Variants in FAM81A observed in about 807,000 individuals in gnomAD.
FAM81A encodes family with sequence similarity 81 member A.
Under a neutral mutation model 46.7 loss-of-function variants are expected in FAM81A, and 19 were observed. That is an observed-to-expected ratio of 0.41 (90% CI 0.28 to 0.60). FAM81A has a LOEUF of 0.60. Among genes scored for constraint, FAM81A ranks in the 20% least tolerant of loss-of-function variants. FAM81A has a pLI of 0.34. For missense variants in FAM81A, 377 were observed against 453.5 expected (o/e 0.83, Z 1.53); for synonymous variants, 183 against 152.9 (o/e 1.20, Z -1.45).
chr15:59,409,158 G>C (rs1303741307), intron 2 of FAM81A: 1 of 152,154 alleles, frequency 6.6e-6, no homozygotes, highest in Admixed American at 6.5e-5. Flanking sequence ...CCCTCCTCCA[G>C]ACACCCACTT....
At chr15:59,520,587 C>T (rs575193631) in intron 8 of FAM81A, among the ~76,000 whole-genome samples, 79 of 134,014 alleles carry the variant, frequency 5.9e-4, no homozygotes, top group African/African-American at 2.1e-3. Context: ...TTTTTTGAGA[C>T]GAGTCTTGCT....
intron 1 of FAM81A, chr15:59,401,608 T>C (rs1176751046): frequency 1.1e-6 from 1 of 902,536 alleles, no homozygotes; most frequent in Non-Finnish European, 1.8e-6. Context: ...CTTTTAATAC[T>C]TCTGTTTCTC....
intron 2 of FAM81A, among the ~76,000 whole-genome samples, chr15:59,424,604 T>C (rs1380294649): frequency 6.6e-6 from 1 of 152,218 alleles, no homozygotes; most frequent in Non-Finnish European, 1.5e-5. Context: ...CTGAATCTGC[T>C]TTTCCCACAG....
intron 6 of FAM81A, among the ~76,000 whole-genome samples, chr15:59,511,773 C>T (rs1200026706): frequency 6.6e-6 from 1 of 152,152 alleles, no homozygotes; most frequent in Non-Finnish European, 1.5e-5. Context: ...GCCTCAGCCT[C>T]CCGAGTAGCT....
Position 59,518,432 on chromosome 15 carries a change from C to T in FAM81A, c.982+1592C>T, listed in dbSNP as rs187622547. ...TCCTGGGCTCAGGTGAGCCCCCTGC[C>T]TCGACCTCCTGAGCAGCTAGGACTA... On this transcript the variant is annotated intron_variant, in intron 8 of 8. Transcript: ENST00000288228. 5.8e-4 allele frequency among the ~76,000 whole-genome samples: 88 copies of T among 152,252 alleles called. No individual in the cohort carries two copies. The East Asian group carries it at 0.011, about 20-fold the overall frequency.
At chr15:59,423,965 C>G (rs1185970426) in intron 2 of FAM81A, among the ~76,000 whole-genome samples, 2 of 152,174 alleles carry the variant, frequency 1.3e-5, no homozygotes, top group Non-Finnish European at 2.9e-5. Context: ...TGGCTACCTT[C>G]CCATTTGTCT....
chr15:59,401,316 G>A (rs1169057966), intron 1 of FAM81A: 1 of 819,492 alleles, frequency 1.2e-6, no homozygotes. Context: ...TGCATCACAA[G>A]GCCCAATTTG....
At chr15:59,422,855 T>C (rs764750561) in intron 2 of FAM81A, among the ~76,000 whole-genome samples, 4 of 152,256 alleles carry the variant, frequency 2.6e-5, no homozygotes, top group African/African-American at 9.6e-5. Flanking sequence ...CCTTGAGTGG[T>C]TCATAAGAAA....
intron 4 of FAM81A, among the ~76,000 whole-genome samples, chr15:59,499,761 G>A (rs2082071664): frequency 6.6e-6 from 1 of 151,752 alleles, no homozygotes; most frequent in Non-Finnish European, 1.5e-5. Context: ...AATTATTTCT[G>A]ATGAAAAATT....
intron 6 of FAM81A, among the ~76,000 whole-genome samples, chr15:59,511,310 A>C (rs752195297): frequency 1.3e-5 from 2 of 152,214 alleles, no homozygotes; most frequent in African/African-American, 2.4e-5. Context: ...TATTCTTAGG[A>C]GTTTTTCAGG....
chr15:59,497,509 A>G (rs2082046864), intron 4 of FAM81A, among the ~76,000 whole-genome samples: 1 of 152,176 alleles, frequency 6.6e-6, no homozygotes, highest in South Asian at 2.1e-4. Flanking sequence ...GAATATTGAT[A>G]GGGACTGTGT....
Position 59,522,783 on chromosome 15 carries a change from A to C in FAM81A, c.*1405A>C, listed in dbSNP as rs746832828. On this transcript the variant is annotated 3_prime_UTR_variant, in exon 9 of 9. Coordinates refer to ENST00000288228, the MANE Select transcript of FAM81A (RefSeq NM_152450.3). ...GCATTTTCTATTTTTAGGACAAATC[A>C]CAAATGAAGTGTCTAACTGGCTATT... is the stretch of plus-strand genomic sequence containing the variant. The C allele has an allele frequency of 1.3e-5, 2 of 152,778 alleles. No individual in the cohort carries two copies. Among genetic ancestry groups the C allele is most frequent in the South Asian group, 4.1e-4 (2 of 4,828 alleles). The allele number at this position is 152,778 out of a possible 1,614,324, so 9.5% of individuals were successfully genotyped here. A position where few individuals can be genotyped will look rare whatever the true frequency, so the allele number is the denominator to read the frequency against.
At chr15:59,466,149 A>G (rs1311803178) in intron 3 of FAM81A, among the ~76,000 whole-genome samples, 1 of 152,192 alleles carries the variant, frequency 6.6e-6, no homozygotes, top group Non-Finnish European at 1.5e-5. Context: ...TGCTATTCTG[A>G]ATAGTGCTGC....
Position 59,492,389 on chromosome 15 carries a change from G to T in FAM81A, c.413G>T (p.Arg138Ile). The stretch of plus-strand genomic sequence containing the variant: ...GGAGATCTTCGAGGAAGAGTGGCAA[G>T]GTAGGTGTTCAAATGTTGGGGTCTC... ...GLGDLRGRVARCDASIARLSA... is the reference protein window; with the variant it reads ...GLGDLRGRVAICDASIARLSA... The change falls in exon 4 of 9, where the codon AGA becomes ATA. Residue 138 changes from arginine to isoleucine, a missense_variant and splice_region_variant. Arg to Ile is a moderately conservative substitution (Grantham distance 97, BLOSUM62 -3). Transcript: ENST00000288228. 1 of 1,611,556 alleles carries T rather than the reference G, an allele frequency of 6.2e-7. No individual in the cohort carries two copies. The highest frequency in any genetic ancestry group is 8.5e-7 in the Non-Finnish European group (1 of 1,178,616).
At chr15:59,457,215 G>A (rs1455571509) in intron 1 of FAM81A, among the ~76,000 whole-genome samples, 2 of 152,168 alleles carry the variant, frequency 1.3e-5, no homozygotes, top group African/African-American at 2.4e-5. Context: ...TTTAAATTGT[G>A]TGTTGTTCTG....
At chr15:59,467,816 C>T (rs1316287320) in intron 3 of FAM81A, among the ~76,000 whole-genome samples, 2 of 152,150 alleles carry the variant, frequency 1.3e-5, no homozygotes, top group Admixed American at 6.5e-5. Context: ...TCCAGTTTTG[C>T]CCATTCAGTA....
chr15:59,449,722 C>A (rs1162627727), intron 1 of FAM81A, among the ~76,000 whole-genome samples: 2 of 121,434 alleles, frequency 1.6e-5, no homozygotes, highest in Non-Finnish European at 3.2e-5. Flanking sequence ...GCGGAGCTTG[C>A]AGTGAGCCGA....
chr15:59,449,136 A>G (rs1030077268), intron 1 of FAM81A, among the ~76,000 whole-genome samples: 2 of 152,228 alleles, frequency 1.3e-5, no homozygotes, highest in Non-Finnish European at 2.9e-5. Context: ...GAGATTAGTT[A>G]CTTTTGCCAT....
At chr15:59,496,008 A>T (rs911529873) in intron 4 of FAM81A, among the ~76,000 whole-genome samples, 52 of 152,262 alleles carry the variant, frequency 3.4e-4, no homozygotes, top group Non-Finnish European at 6.5e-4. Context: ...AAACTTAAAA[A>T]TTTTTAATCT....
Sources: gnomAD v4.1 joint callset for allele counts (sites outside exome capture counted in the v4.1 genomes callset) on GRCh38, gnomAD v4.1.1 for gene constraint, MANE v1.5 for transcripts, NCBI Gene and HGNC (gene_info 2026-07-23, HGNC 2026-07-21) for gene names.